LLGL2: variants seen among roughly 807,000 people sequenced by gnomAD.
The protein encoded by LLGL2 is LLGL scribble cell polarity complex component 2.
Under a neutral mutation model 123.2 loss-of-function variants are expected in LLGL2, and 81 were observed. The observed-to-expected ratio is 0.66, with a 90% CI of 0.55 to 0.79. The LOEUF (loss-of-function observed/expected upper bound fraction) is 0.79, where lower values mean the gene tolerates loss of function less well. Among genes scored for constraint, LLGL2 ranks in the 30% least tolerant of loss-of-function variants. LLGL2 has a pLI of 0.00. For synonymous variants in LLGL2, 577 were observed against 594.1 expected, an observed-to-expected ratio of 0.97 and a Z score of 0.42; for missense variants, 1,273 against 1,414.6, an observed-to-expected ratio of 0.90 and a Z score of 1.61.
Position 75,557,034 on chromosome 17 carries a change from C to CTTTTTTTTTTTTTTTT in LLGL2, c.173+901_173+916dup, listed in dbSNP as rs55649536. ...ACAGAGTGAGACTCTGTCTCAAAAA[C>CTTTTTTTTTTTTTTTT]TTTTTTTTTTTTTTTTTTTTTTTTT... On this transcript the variant is annotated intron_variant, in intron 3 of 25. Coordinates refer to ENST00000392550, the MANE Select transcript of LLGL2 (RefSeq NM_001031803.2). Among the ~76,000 whole-genome samples the CTTTTTTTTTTTTTTTT allele has an allele frequency of 1.9e-4, 21 of 109,884 alleles. 1 individual carries two copies. Among genetic ancestry groups the CTTTTTTTTTTTTTTTT allele is most frequent in the African/African-American group, 9.4e-4 (20 of 21,254 alleles). 72.1% of individuals were successfully genotyped at this position (109,884 alleles called of 152,430 possible). A position where few individuals can be genotyped will look rare whatever the true frequency, so the allele number is the denominator to read the frequency against.
intron 2 of LLGL2, among the ~76,000 whole-genome samples, chr17:75,543,834 A>T (rs11654903): frequency 0.024 from 3,658 of 152,212 alleles, 51 homozygotes; most frequent in Non-Finnish European, 0.037. Context: ...AGGGTTGTCA[A>T]GGAGGTTTAG....
Position 75,575,031 on chromosome 17 carries a change from G to T in LLGL2, c.*153G>T. On this transcript the variant is annotated 3_prime_UTR_variant, in exon 26 of 26. Coordinates refer to ENST00000392550, the MANE Select transcript of LLGL2 (RefSeq NM_001031803.2). The stretch of plus-strand genomic sequence containing the variant: ...AATGCAGCTGCTCTGGGCCTCGGGA[G>T]AGGAGAGACCCCAGTCCCCTGGGCT... 1 of 1,070,280 alleles carries T rather than the reference G, an allele frequency of 9.3e-7. No individual in the cohort carries two copies. The highest frequency in any genetic ancestry group is 1.3e-5 in the South Asian group (1 of 79,748). The allele number at this position is 1,070,280 out of a possible 1,614,324, so 66.3% of individuals were successfully genotyped here.
chr17:75,557,903 T>C (rs2054989020), intron 3 of LLGL2: 6 of 536,898 alleles, frequency 1.1e-5, no homozygotes, highest in Non-Finnish European at 2.1e-5. Context: ...GGCTTCGCCT[T>C]TCTATGGAGT....
chr17:75,564,862 CAA>C lies in LLGL2; in HGVS notation c.1036+371_1036+372del, dbSNP rs33986841. 156 of 107,646 alleles carry C rather than the reference CAA, an allele frequency of 1.4e-3. No homozygotes were observed. Among genetic ancestry groups the C allele is most frequent in the Non-Finnish European group, 2.0e-3 (99 of 49,042 alleles). The allele number at this position is 107,646 out of a possible 1,614,324, so 6.7% of individuals were successfully genotyped here. On this transcript the variant is annotated intron_variant, in intron 10 of 25. Transcript: ENST00000392550. The surrounding 1 kb of genome is among the most constrained non-coding windows in gnomAD (Gnocchi z 4.9). Reference sequence around the variant, plus strand: ...TGGGTGACATAGCCAGACTGTGTCTCAAAAAAAAAAAAAAAAAGGGCTCTGCA... The same window carrying C: ...TGGGTGACATAGCCAGACTGTGTCTCAAAAAAAAAAAAAAAGGGCTCTGCA...
intron 6 of LLGL2, 126 bp from the exon 7 acceptor site, chr17:75,562,890 A>G: frequency 8.3e-7 from 1 of 1,203,842 alleles, no homozygotes; most frequent in Non-Finnish European, 1.2e-6. Flanking sequence ...CCCAGCCCCT[A>G]GCCATATTTC....
chr17:75,568,531 T>G lies in LLGL2; in HGVS notation c.1092T>G (p.Ile364Met), dbSNP rs367897479. The G allele has an allele frequency of 6.2e-6, 10 of 1,613,496 alleles. No individual in the cohort carries two copies. The African/African-American group carries it at 1.3e-4, about 22-fold the overall frequency. ...VVLAEEELVV[I>M]DLQTAGWPPV... ...TGGCTGAGGAGGAGCTGGTGGTGAT[T>G]GACCTGCAGACAGCAGGCTGGCCAC... Residue 364 changes from isoleucine to methionine, a missense_variant, in exon 11 of 26, where the codon ATT (isoleucine) becomes ATG (methionine). Coordinates refer to ENST00000392550, the MANE Select transcript of LLGL2 (RefSeq NM_001031803.2).
At chr17:75,551,345 T>C (rs575775410) in intron 2 of LLGL2, among the ~76,000 whole-genome samples, 1 of 151,990 alleles carries the variant, frequency 6.6e-6, no homozygotes, top group Admixed American at 6.6e-5. Context: ...ACCATCCCGT[T>C]TATTAGATGA....
chr17:75,555,886 G>A (rs1246780108), intron 2 of LLGL2, among the ~76,000 whole-genome samples, 160 bp from the exon 3 acceptor site: 3 of 152,156 alleles, frequency 2.0e-5, no homozygotes, highest in Non-Finnish European at 2.9e-5. Flanking sequence ...GTGGGGCCTG[G>A]TAAATATGGG....
chr17:75,568,028 A>C, intron 10 of LLGL2: 1 of 1,026,398 alleles, frequency 9.7e-7, no homozygotes, highest in Non-Finnish European at 1.2e-6. Context: ...GGCCTGAGTG[A>C]GGTGATGTGA....
chr17:75,567,478 G>C (rs112041303), intron 10 of LLGL2, among the ~76,000 whole-genome samples: 8 of 147,612 alleles, frequency 5.4e-5, no homozygotes, highest in Non-Finnish European at 9.0e-5. Flanking sequence ...AAATAAAAAA[G>C]AAAAACAAAA....
chr17:75,553,341 T>C (rs956867090), intron 2 of LLGL2, among the ~76,000 whole-genome samples: 5 of 152,190 alleles, frequency 3.3e-5, no homozygotes, highest in African/African-American at 9.7e-5. Flanking sequence ...CCCGACCTTT[T>C]TGTCTCCAGG....
intron 2 of LLGL2, among the ~76,000 whole-genome samples, chr17:75,554,805 C>T (rs1057139064): frequency 2.0e-5 from 3 of 150,950 alleles, no homozygotes; most frequent in Admixed American, 6.6e-5. Flanking sequence ...AGGAGAATGG[C>T]GTGAACCTGG....
intron 1 of LLGL2, among the ~76,000 whole-genome samples, chr17:75,532,072 A>ACACACACACACACC (rs2053812550): frequency 7.8e-6 from 1 of 128,634 alleles, no homozygotes; most frequent in African/African-American, 2.7e-5. Context: ...ACACACACAC[A>ACACACACACACACC]CACACTTTTT....
In LLGL2 at chr17:75,571,124, G is replaced by A. The variant is rs2147555464; in HGVS notation, c.2176+24G>A. The A allele has an allele frequency of 2.5e-6, 4 of 1,581,744 alleles. 1 individual carries two copies. The East Asian group carries it at 6.8e-5, about 27-fold the overall frequency. ...CAGTGAGTGGCCAGCCTGGGGTTGG[G>A]GGGCAGGGGGTAGTGGGCAGCAGAC... On this transcript the variant is annotated intron_variant, in intron 17 of 25. Transcript: ENST00000392550.
chr17:75,548,788 T>C (rs1339900618), intron 2 of LLGL2, among the ~76,000 whole-genome samples: 7 of 150,714 alleles, frequency 4.6e-5, no homozygotes, highest in Non-Finnish European at 1.0e-4. Context: ...AAGTATACTT[T>C]GGGGTAGCCC....
At chr17:75,566,782 A>C (rs1454670971) in intron 10 of LLGL2, among the ~76,000 whole-genome samples, 1 of 152,124 alleles carries the variant, frequency 6.6e-6, no homozygotes, top group African/African-American at 2.4e-5. Context: ...AGGGTGCAGC[A>C]AGCTCAGCTG....
At chr17:75,535,327 G>A (rs2053959557) in intron 1 of LLGL2, among the ~76,000 whole-genome samples, 1 of 151,914 alleles carries the variant, frequency 6.6e-6, no homozygotes, top group African/African-American at 2.4e-5. Flanking sequence ...CACGAGCGAA[G>A]AGGAGAGGAG....
At chr17:75,574,377 G>C in intron 23 of LLGL2, 76 bp from the exon 24 acceptor site, 1 of 1,538,394 alleles carries the variant, frequency 6.5e-7, no homozygotes, top group Non-Finnish European at 8.8e-7. Flanking sequence ...GGGCACCCAC[G>C]GAGAAAGGGG....
intron 1 of LLGL2, among the ~76,000 whole-genome samples, chr17:75,535,655 A>G (rs1000032968): frequency 1.6e-4 from 24 of 152,322 alleles, no homozygotes; most frequent in African/African-American, 5.5e-4. Flanking sequence ...CCTCCGAGGC[A>G]CAATCGCATC....
Sources: allele counts gnomAD v4.1 joint callset (sites outside exome capture counted in the v4.1 genomes callset), GRCh38; gene constraint gnomAD v4.1.1; non-coding constraint Gnocchi (gnomAD v3.1); transcripts MANE v1.5; gene names NCBI Gene and HGNC (gene_info 2026-07-23, HGNC 2026-07-21).